Variants in NDUFAF2 observed in about 807,000 individuals in gnomAD.
The protein encoded by NDUFAF2 is NADH dehydrogenase [ubiquinone] 1 alpha subcomplex assembly factor 2.
A neutral mutation model predicts 22.8 loss-of-function variants in NDUFAF2; 13 were observed. The ratio of observed to expected loss-of-function variants is 0.57; its 90% CI spans 0.37 to 0.91. NDUFAF2 has a LOEUF of 0.91. Among genes scored for constraint, NDUFAF2 ranks in the 40% least tolerant of loss-of-function variants. The pLI, the probability that NDUFAF2 is intolerant of heterozygous loss-of-function variation, is 0.01. For synonymous variants in NDUFAF2, 53 were observed against 64.2 expected (o/e 0.83, Z 0.84); for missense variants, 162 against 195.2 (o/e 0.83, Z 1.01).
chr5:60,994,984 C>G lies in NDUFAF2; in HGVS notation c.127+49602C>G, dbSNP rs117338365. ...TGATCAGTTCTGCTGTCAAGGGACTCTGCTGCATTCTTCAGTATGCCCATT... is the reference window on the plus strand; with the variant it reads ...TGATCAGTTCTGCTGTCAAGGGACTGTGCTGCATTCTTCAGTATGCCCATT... On this transcript the variant is annotated intron_variant, in intron 1 of 3. Transcript: ENST00000296597. Among the ~76,000 whole-genome samples the G allele has an allele frequency of 1.1e-3, 172 of 152,246 alleles. No individual in the cohort carries two copies. The East Asian group carries it at 0.027, about 24-fold the overall frequency.
At chr5:61,061,985 C>T (rs1164990475) in intron 1 of NDUFAF2, among the ~76,000 whole-genome samples, 1 of 152,214 alleles carries the variant, frequency 6.6e-6, no homozygotes, top group Non-Finnish European at 1.5e-5. Context: ...AATCACATTA[C>T]TGTGGTGACA....
At chr5:61,064,977 C>CT (rs1471649956) in intron 1 of NDUFAF2, among the ~76,000 whole-genome samples, 3 of 150,948 alleles carry the variant, frequency 2.0e-5, no homozygotes, top group African/African-American at 7.3e-5. Context: ...CTTAACCAGT[C>CT]TAAGAAAAAA....
At chr5:61,041,809 A>G (rs1222831272) in intron 1 of NDUFAF2, among the ~76,000 whole-genome samples, 1 of 152,168 alleles carries the variant, frequency 6.6e-6, no homozygotes, top group Non-Finnish European at 1.5e-5. Flanking sequence ...CATGTGTCTT[A>G]GAGGAAAGTG....
intron 1 of NDUFAF2, among the ~76,000 whole-genome samples, chr5:61,005,544 A>G (rs1580090522): frequency 1.3e-5 from 2 of 152,338 alleles, no homozygotes; most frequent in African/African-American, 4.8e-5. Context: ...ACTAGTTCAC[A>G]GTCCCACCAA....
intron 1 of NDUFAF2, among the ~76,000 whole-genome samples, chr5:61,022,315 T>G (rs1019261012): frequency 2.0e-5 from 3 of 152,216 alleles, no homozygotes; most frequent in African/African-American, 7.2e-5. Context: ...TGCATTCCAT[T>G]CTCCTTTCTA....
At chr5:61,017,982 C>T (rs1444977457) in intron 1 of NDUFAF2, among the ~76,000 whole-genome samples, 1 of 152,076 alleles carries the variant, frequency 6.6e-6, no homozygotes, top group Non-Finnish European at 1.5e-5. Flanking sequence ...GAACTCCTGA[C>T]CTCAAGTGAT....
intron 3 of NDUFAF2, among the ~76,000 whole-genome samples, chr5:61,104,896 C>T (rs1402775722): frequency 6.6e-6 from 1 of 152,048 alleles, no homozygotes; most frequent in Non-Finnish European, 1.5e-5. Context: ...GATAGTCTGA[C>T]CCCTAGCAAT....
At chr5:61,076,468 G>A (rs9968618) in intron 2 of NDUFAF2, among the ~76,000 whole-genome samples, 7,075 of 152,312 alleles carry the variant, frequency 0.046, 563 homozygotes, top group African/African-American at 0.16. Flanking sequence ...ACCAGCTGAA[G>A]AGCATTACTG....
intron 1 of NDUFAF2, among the ~76,000 whole-genome samples, chr5:60,954,347 T>A (rs1750586838): frequency 6.6e-6 from 1 of 152,184 alleles, no homozygotes; most frequent in African/African-American, 2.4e-5. Flanking sequence ...GATCAGTAGA[T>A]GTCCATTTCT....
chr5:61,127,614 C>A (rs978892138), intron 3 of NDUFAF2, among the ~76,000 whole-genome samples: 9 of 152,114 alleles, frequency 5.9e-5, no homozygotes, highest in Non-Finnish European at 1.0e-4. Context: ...AAATACCTCT[C>A]AATACATTAG....
chr5:61,005,883 C>T (rs1261116922), intron 1 of NDUFAF2, among the ~76,000 whole-genome samples: 1 of 152,032 alleles, frequency 6.6e-6, no homozygotes, highest in East Asian at 1.9e-4. Context: ...TTCTCCCATT[C>T]TGTAGGTTGC....
rs112480489 is a variant in NDUFAF2, at chr5:61,055,911, G to T, written c.128-17214G>T. Among the ~76,000 whole-genome samples, 1,105 of 152,200 alleles carry T rather than the reference G, an allele frequency of 7.3e-3. 14 individuals carry two copies. Among genetic ancestry groups the T allele is most frequent in the African/African-American group, 0.025 (1,035 of 41,502 alleles). Reference sequence around the variant, plus strand: ...ATTATAAAAGTGAAGATTGTTGTGAGAATTAAGAAAATAAAAATAAAGTGT... The same window carrying T: ...ATTATAAAAGTGAAGATTGTTGTGATAATTAAGAAAATAAAAATAAAGTGT... On this transcript the variant is annotated intron_variant, in intron 1 of 3. Coordinates refer to ENST00000296597, the MANE Select transcript of NDUFAF2 (RefSeq NM_174889.5).
chr5:61,102,571 G>T (rs906147424), intron 3 of NDUFAF2, among the ~76,000 whole-genome samples: 10 of 151,870 alleles, frequency 6.6e-5, no homozygotes, highest in African/African-American at 2.2e-4. Context: ...GCTTCTAGAA[G>T]AAAAAAACAA....
chr5:61,118,297 T>A (rs1752937245), intron 3 of NDUFAF2, among the ~76,000 whole-genome samples: 1 of 152,160 alleles, frequency 6.6e-6, no homozygotes, highest in Non-Finnish European at 1.5e-5. Context: ...AAAGAAAGCA[T>A]CAATAAAAAT....
At chr5:61,068,650 C>A (rs1162677050) in intron 1 of NDUFAF2, among the ~76,000 whole-genome samples, 1 of 151,894 alleles carries the variant, frequency 6.6e-6, no homozygotes, top group Non-Finnish European at 1.5e-5. Flanking sequence ...TCCAGATTTT[C>A]TTCAGTGAAG....
At chr5:60,987,657 A>C (rs917390722) in intron 1 of NDUFAF2, among the ~76,000 whole-genome samples, 2 of 152,352 alleles carry the variant, frequency 1.3e-5, no homozygotes, top group South Asian at 4.1e-4. Context: ...GTGATTCATT[A>C]CATAATAGAA....
intron 1 of NDUFAF2, among the ~76,000 whole-genome samples, chr5:61,029,573 A>G (rs1751698006): frequency 6.6e-6 from 1 of 152,122 alleles, no homozygotes; most frequent in South Asian, 2.1e-4. Context: ...CTGAAAGCAC[A>G]TGCATATTCT....
chr5:60,998,733 G>T (rs2112589513), intron 1 of NDUFAF2, among the ~76,000 whole-genome samples: 1 of 151,876 alleles, frequency 6.6e-6, no homozygotes, highest in East Asian at 1.9e-4. Context: ...CACAAAGTAG[G>T]TGAAACCTTT....
intron 3 of NDUFAF2, among the ~76,000 whole-genome samples, chr5:61,108,115 G>C (rs1310001584): frequency 7.0e-6 from 1 of 142,632 alleles, no homozygotes; most frequent in Non-Finnish European, 1.5e-5. Flanking sequence ...GGACATTTGG[G>C]TTGGTTCCAA....
Sources: allele counts gnomAD v4.1 joint callset (sites outside exome capture counted in the v4.1 genomes callset), GRCh38; gene constraint gnomAD v4.1.1; transcripts MANE v1.5; gene names NCBI Gene and HGNC (gene_info 2026-07-23, HGNC 2026-07-21).